The following ZDHHC14 variants were observed in gnomAD, a reference collection of about 807,000 sequenced individuals.
ZDHHC14 encodes zDHHC palmitoyltransferase 14.
A neutral mutation model predicts 47.7 loss-of-function variants in ZDHHC14; 16 were observed. That is an observed-to-expected ratio of 0.34 (90% CI 0.23 to 0.51). ZDHHC14 has a LOEUF of 0.51. ZDHHC14 is among the 20% of genes least tolerant of loss of function. The pLI is 0.97. For missense variants in ZDHHC14, 515 were observed against 662.5 expected, an observed-to-expected ratio of 0.78 and a Z score of 2.44; for synonymous variants, 293 against 278.9, an observed-to-expected ratio of 1.05 and a Z score of -0.50.
At chr6:157,424,926 C>T (rs145909421) in intron 1 of ZDHHC14, among the ~76,000 whole-genome samples, 1,712 of 152,198 alleles carry the variant, frequency 0.011, 37 homozygotes, top group African/African-American at 0.04. Context: ...CCCGCCAGCC[C>T]GCCCACTCTC....
chr6:157,670,303 A>G (rs1190828227), intron 8 of ZDHHC14, among the ~76,000 whole-genome samples: 1 of 152,052 alleles, frequency 6.6e-6, no homozygotes. Context: ...TTATTTATTT[A>G]TTTATTTAGA....
rs959101066 is a variant in ZDHHC14, at chr6:157,675,552, G to C, written c.*2430G>C. On this transcript the variant is annotated 3_prime_UTR_variant, in exon 9 of 9. Coordinates refer to ENST00000359775, the MANE Select transcript of ZDHHC14 (RefSeq NM_024630.3). ...TGGGCCAATTTGCTAGATAATTAATGTCTTAAAAACCAAAACCAGAGAGAA... is the reference window on the plus strand; with the variant it reads ...TGGGCCAATTTGCTAGATAATTAATCTCTTAAAAACCAAAACCAGAGAGAA... 1 of 152,208 alleles carries C rather than the reference G, an allele frequency of 6.6e-6. No individual in the cohort carries two copies. The highest frequency in any genetic ancestry group is 2.4e-5 in the African/African-American group (1 of 41,452). 9.4% of individuals were successfully genotyped at this position (152,208 alleles called of 1,614,324 possible). A position where few individuals can be genotyped will look rare whatever the true frequency, so the allele number is the denominator to read the frequency against.
chr6:157,426,124 C>T (rs192594263), intron 1 of ZDHHC14, among the ~76,000 whole-genome samples: 2 of 152,216 alleles, frequency 1.3e-5, no homozygotes, highest in East Asian at 1.9e-4. Context: ...CTAAAGGAGG[C>T]GGTCATGCTG....
chr6:157,423,736 C>G (rs1778155811), intron 1 of ZDHHC14, among the ~76,000 whole-genome samples: 1 of 152,200 alleles, frequency 6.6e-6, no homozygotes, highest in African/African-American at 2.4e-5. Context: ...CAGGCTAATC[C>G]TTGAGAAATG....
chr6:157,637,229 G>T (rs1484550579), intron 5 of ZDHHC14, among the ~76,000 whole-genome samples: 1 of 152,196 alleles, frequency 6.6e-6, no homozygotes, highest in East Asian at 1.9e-4. Context: ...ATGCCAGCGG[G>T]AGCTTATGTG....
intron 2 of ZDHHC14, among the ~76,000 whole-genome samples, chr6:157,590,878 G>A (rs187335606): frequency 1.9e-4 from 29 of 152,366 alleles, no homozygotes; most frequent in Admixed American, 1.5e-3. Flanking sequence ...GTCATAGGGC[G>A]GAGCTGCCCA....
In ZDHHC14 at chr6:157,457,819, C is replaced by A. The variant is rs559612887; in HGVS notation, c.245+75553C>A. 8.5e-5 allele frequency among the ~76,000 whole-genome samples: 13 copies of A among 152,292 alleles called. No individual in the cohort carries two copies. The East Asian group carries it at 2.5e-3, about 29-fold the overall frequency. On this transcript the variant is annotated intron_variant, in intron 1 of 8. Coordinates refer to ENST00000359775, the MANE Select transcript of ZDHHC14 (RefSeq NM_024630.3). ...GGCCTCTACCACTTGCGCCCTCAAC[C>A]AAATGCAGCATTGAGAGACGGTCCC...
At chr6:157,466,470 C>A (rs1017570031) in intron 1 of ZDHHC14, among the ~76,000 whole-genome samples, 1 of 152,204 alleles carries the variant, frequency 6.6e-6, no homozygotes, top group African/African-American at 2.4e-5. Flanking sequence ...ATGCAGAAAT[C>A]AAATATGTGT....
chr6:157,622,957 C>T (rs1215546871), intron 3 of ZDHHC14, among the ~76,000 whole-genome samples: 1 of 152,164 alleles, frequency 6.6e-6, no homozygotes, highest in African/African-American at 2.4e-5. Flanking sequence ...GATTCCTCCC[C>T]TCTGGGAGCC....
At chr6:157,422,348 A>G (rs1338817501) in intron 1 of ZDHHC14, among the ~76,000 whole-genome samples, 3 of 152,162 alleles carry the variant, frequency 2.0e-5, no homozygotes, top group Non-Finnish European at 4.4e-5. Flanking sequence ...GATGTTTCCC[A>G]TACATGTTCA....
intron 1 of ZDHHC14, among the ~76,000 whole-genome samples, chr6:157,541,978 T>G (rs1212163845): frequency 6.6e-6 from 1 of 152,228 alleles, no homozygotes; most frequent in African/African-American, 2.4e-5. Flanking sequence ...CTGAAATCCC[T>G]TAAATCTTCT....
At chr6:157,647,501 G>A in intron 7 of ZDHHC14, 133 bp downstream of exon 7, 1 of 585,970 alleles carries the variant, frequency 1.7e-6, no homozygotes, top group Non-Finnish European at 3.0e-6. Flanking sequence ...CGTGGATGTG[G>A]CCTTCGTGAA....
chr6:157,627,301 G>T (rs1329552567), intron 3 of ZDHHC14, among the ~76,000 whole-genome samples: 3 of 152,118 alleles, frequency 2.0e-5, no homozygotes, highest in Non-Finnish European at 4.4e-5. Context: ...AGCACATAGA[G>T]ATAGATAAAA....
intron 1 of ZDHHC14, among the ~76,000 whole-genome samples, chr6:157,484,413 CACAT>C (rs1377507677): frequency 2.1e-5 from 3 of 141,630 alleles, no homozygotes; most frequent in African/African-American, 8.0e-5. Context: ...TATATGTATA[CACAT>C]ATACATATAT....
At chr6:157,545,615 T>C (rs1480378629) in intron 2 of ZDHHC14, among the ~76,000 whole-genome samples, 4 of 151,278 alleles carry the variant, frequency 2.6e-5, no homozygotes, top group Non-Finnish European at 5.9e-5. Context: ...GAGGCAGAGC[T>C]TGCAGCCGAG....
intron 5 of ZDHHC14, among the ~76,000 whole-genome samples, 178 bp downstream of exon 5, chr6:157,633,060 T>G (rs1000707092): frequency 6.6e-6 from 1 of 152,166 alleles, no homozygotes; most frequent in African/African-American, 2.4e-5. Context: ...CATCCCTGAG[T>G]GACTCAGCCT....
chr6:157,391,969 C>T (rs774903186), intron 1 of ZDHHC14, among the ~76,000 whole-genome samples: 13 of 152,090 alleles, frequency 8.5e-5, no homozygotes, highest in African/African-American at 2.9e-4. Context: ...CCAGTTTATT[C>T]GTCTCTTTTT....
At chr6:157,538,381 G>A (rs869096) in intron 1 of ZDHHC14, among the ~76,000 whole-genome samples, 92,302 of 152,012 alleles carry the variant, frequency 0.61, 29,391 homozygotes, top group African/African-American at 0.82. Context: ...AGGACCTAGC[G>A]AGCTGACAAA....
chr6:157,578,963 G>T (rs762796967), intron 2 of ZDHHC14, among the ~76,000 whole-genome samples: 1 of 152,144 alleles, frequency 6.6e-6, no homozygotes, highest in Admixed American at 6.5e-5. Flanking sequence ...TGTTGTTTTG[G>T]ATACAATAGC....
Sources: allele counts gnomAD v4.1 joint callset (sites outside exome capture counted in the v4.1 genomes callset), GRCh38; gene constraint gnomAD v4.1.1; transcripts MANE v1.5; gene names NCBI Gene and HGNC (gene_info 2026-07-23, HGNC 2026-07-21).